Variants in SCN7A observed in about 807,000 individuals in gnomAD.
SCN7A encodes the protein sodium voltage-gated channel alpha subunit 7.
A neutral mutation model predicts 155.2 loss-of-function variants in SCN7A; 138 were observed. The ratio of observed to expected loss-of-function variants is 0.89; its 90% confidence interval spans 0.77 to 1.02. The LOEUF is 1.02. Ranked by LOEUF, SCN7A falls within the 50% of genes least tolerant of loss-of-function variation. SCN7A has a pLI of 0.00. For missense variants in SCN7A, 2,058 were observed against 1,986.6 expected, an observed-to-expected ratio of 1.04 and a Z score of -0.68; for synonymous variants, 693 against 649.0, an observed-to-expected ratio of 1.07 and a Z score of -1.03.
intron 10 of SCN7A, 146 bp from the exon 11 acceptor site, chr2:166,457,222 C>A (rs1229538194): frequency 1.6e-6 from 1 of 615,740 alleles, no homozygotes; most frequent in Non-Finnish European, 2.7e-6. Flanking sequence ...TAAGCACTGG[C>A]TCCACCTGAA....
At position 166,421,150 on chromosome 2, in the gene SCN7A, A is replaced by G. The variant is rs1439534967; in HGVS notation, c.3135+40T>C. 4.5e-6 allele frequency: 6 copies of G among 1,328,146 alleles called. No individual in the cohort carries two copies. The African/African-American group carries it at 9.1e-5, about 20-fold the overall frequency. 82.3% of individuals were successfully genotyped at this position (1,328,146 alleles called of 1,614,324 possible). ...AATTTGTGCAAATTTAGTAATTCCAAATAAAAATTTGTAGATTAGCTTAGA... is the reference window on the plus strand; with the variant it reads ...AATTTGTGCAAATTTAGTAATTCCAGATAAAAATTTGTAGATTAGCTTAGA... On this transcript the variant is annotated intron_variant, in intron 20 of 25. Coordinates refer to ENST00000643258, the MANE Select transcript of SCN7A (RefSeq NM_002976.4).
chr2:166,410,492 A>C (rs572490876), intron 23 of SCN7A, among the ~76,000 whole-genome samples, 168 bp from the exon 24 acceptor site: 1 of 152,196 alleles, frequency 6.6e-6, no homozygotes, highest in Non-Finnish European at 1.5e-5. Flanking sequence ...CTGCCCAAAA[A>C]TCCATAAAAA....
intron 11 of SCN7A, among the ~76,000 whole-genome samples, chr2:166,455,556 A>T (rs1479687880): frequency 6.6e-6 from 1 of 152,068 alleles, no homozygotes; most frequent in Non-Finnish European, 1.5e-5. Context: ...GGGGGAAGAG[A>T]AGGGGAAGGG....
At chr2:166,467,405 T>C (rs1023087643) in intron 7 of SCN7A, among the ~76,000 whole-genome samples, 5 of 151,482 alleles carry the variant, frequency 3.3e-5, no homozygotes, top group African/African-American at 1.2e-4. Flanking sequence ...TATTGTTTTG[T>C]TGGAAATGTT....
intron 11 of SCN7A, among the ~76,000 whole-genome samples, chr2:166,451,502 A>G (rs1020077827): frequency 6.6e-6 from 1 of 152,184 alleles, no homozygotes; most frequent in African/African-American, 2.4e-5. Context: ...TCTTTTTCTC[A>G]AAACTAGTTT....
In SCN7A at chr2:166,404,994, A is replaced by G. The variant is rs1701035265; in HGVS notation, c.*586T>C. ...CAGTTCCAAATGAAAACAAGAACAT[A>G]CAAAAATAAACACAGAGCTTCAACC... On this transcript the variant is annotated 3_prime_UTR_variant, in exon 26 of 26. Transcript: ENST00000643258. 1 of 151,930 alleles carries G rather than the reference A, an allele frequency of 6.6e-6. No individual in the cohort carries two copies. Among genetic ancestry groups the G allele is most frequent in the African/African-American group, 2.4e-5 (1 of 41,398 alleles). The allele number at this position is 151,930 out of a possible 1,614,324, so 9.4% of individuals were successfully genotyped here.
Position 166,405,826 on chromosome 2 carries a change from T to G in SCN7A, c.4803A>C (p.Ser1601=). ...TAAAAGGGTTGGCTAACAAAAACCCTGATTCTATTTCTGAAACAACTTTCT... is the reference window on the plus strand; with the variant it reads ...TAAAAGGGTTGGCTAACAAAAACCCGGATTCTATTTCTGAAACAACTTTCT... ...RMEKVVSEIE[S]GFLLANPFKI... The change falls in exon 26 of 26, where the codon TCA becomes TCC. Residue 1601 remains serine, a synonymous_variant. Coordinates refer to ENST00000643258, the MANE Select transcript of SCN7A (RefSeq NM_002976.4). The G allele has an allele frequency of 6.2e-7, 1 of 1,613,098 alleles. No individual in the cohort carries two copies.
intron 20 of SCN7A, among the ~76,000 whole-genome samples, chr2:166,420,414 A>G (rs1575010784): frequency 6.6e-6 from 1 of 152,076 alleles, no homozygotes; most frequent in East Asian, 1.9e-4. Context: ...AAAACACATA[A>G]ATGTATTATA....
chr2:166,466,056 C>T, intron 7 of SCN7A, 69 bp from the exon 8 acceptor site: 2 of 1,042,786 alleles, frequency 1.9e-6, no homozygotes, highest in Non-Finnish European at 1.4e-6. Flanking sequence ...CAAACCTCTC[C>T]CACAGCAACT....
chr2:166,417,482 A>T (rs1559091505), intron 20 of SCN7A, among the ~76,000 whole-genome samples: 1 of 152,102 alleles, frequency 6.6e-6, no homozygotes, highest in Non-Finnish European at 1.5e-5. Context: ...CCCCACAAAA[A>T]AGAAAATACA....
chr2:166,491,651 G>C (rs1249888737), intron 1 of SCN7A, among the ~76,000 whole-genome samples: 1 of 149,888 alleles, frequency 6.7e-6, no homozygotes, highest in East Asian at 2.0e-4. Context: ...ACTAACAGAA[G>C]AGAAGGAACC....
intron 18 of SCN7A, among the ~76,000 whole-genome samples, chr2:166,426,538 T>C (rs1294820525): frequency 2.0e-5 from 3 of 152,072 alleles, no homozygotes; most frequent in East Asian, 1.9e-4. Context: ...GAAGTTACCA[T>C]ACCAGCAAGG....
intron 11 of SCN7A, among the ~76,000 whole-genome samples, chr2:166,449,787 C>CA (rs202042002): frequency 0.012 from 1,805 of 150,892 alleles, 36 homozygotes; most frequent in African/African-American, 0.041. Flanking sequence ...CTAAAAAGAC[C>CA]AAAAAAAACA....
intron 20 of SCN7A, among the ~76,000 whole-genome samples, chr2:166,419,277 A>G (rs762674461): frequency 6.6e-6 from 1 of 151,632 alleles, no homozygotes; most frequent in Non-Finnish European, 1.5e-5. Flanking sequence ...TTTTGAGTAA[A>G]TAGGCCCTCT....
At chr2:166,433,562 A>C (rs145520025) in intron 15 of SCN7A, among the ~76,000 whole-genome samples, 119 of 152,282 alleles carry the variant, frequency 7.8e-4, no homozygotes, top group African/African-American at 2.7e-3. Flanking sequence ...AAACGATCAA[A>C]GGTTACATAG....
intron 2 of SCN7A, among the ~76,000 whole-genome samples, chr2:166,483,063 C>G (rs1702966259): frequency 1.3e-5 from 2 of 151,974 alleles, no homozygotes; most frequent in Admixed American, 6.6e-5. Context: ...TCAATTGTAT[C>G]AAGTCCAGAT....
intron 12 of SCN7A, among the ~76,000 whole-genome samples, chr2:166,446,517 T>G (rs1702066021): frequency 6.6e-6 from 1 of 152,214 alleles, no homozygotes; most frequent in Non-Finnish European, 1.5e-5. Flanking sequence ...GTCTCATTAC[T>G]GGGTATATAT....
At position 166,426,600 on chromosome 2, in the gene SCN7A, G is replaced by A. The variant is rs573913084; in HGVS notation, c.2853+1188C>T. ...AGTGGGATGCTGTAACAAAATGAGA[G>A]GAAGAAGAAATACAAAAGTAACACA... On this transcript the variant is annotated intron_variant, in intron 18 of 25. Transcript: ENST00000643258. Among the ~76,000 whole-genome samples, 5 of 152,094 alleles carry A rather than the reference G, an allele frequency of 3.3e-5. No homozygotes were observed. In the South Asian group the frequency reaches 8.3e-4, roughly 25 times the overall value.
At chr2:166,447,311 AG>A (rs1702085041) in intron 12 of SCN7A, among the ~76,000 whole-genome samples, 1 of 152,212 alleles carries the variant, frequency 6.6e-6, no homozygotes, top group African/African-American at 2.4e-5. Context: ...TAAGTCTAGA[AG>A]GGACCTTGAG....
Sources: gnomAD v4.1 joint callset for allele counts (sites outside exome capture counted in the v4.1 genomes callset) on GRCh38, gnomAD v4.1.1 for gene constraint, MANE v1.5 for transcripts, NCBI Gene and HGNC (gene_info 2026-07-23, HGNC 2026-07-21) for gene names.